APOBEC3F: variants seen among roughly 807,000 people sequenced by gnomAD.
APOBEC3F encodes the protein DNA dC->dU-editing enzyme APOBEC-3F.
Under a neutral mutation model 45.8 loss-of-function variants are expected in APOBEC3F, and 34 were observed. That is an observed-to-expected ratio of 0.74 (90% CI 0.57 to 0.99). APOBEC3F has a LOEUF of 0.99. APOBEC3F is among the 50% of genes least tolerant of loss of function. The pLI, the probability that APOBEC3F is intolerant of heterozygous loss-of-function variation, is 0.00. For synonymous variants in APOBEC3F, 192 were observed against 174.4 expected (o/e 1.10, Z -0.80); for missense variants, 459 against 474.1 (o/e 0.97, Z 0.30).
At chr22:39,048,990 A>G (rs1233509592) in intron 4 of APOBEC3F, among the ~76,000 whole-genome samples, 1 of 104,650 alleles carries the variant, frequency 9.6e-6, no homozygotes, top group African/African-American at 3.7e-5. Context: ...GTCCCAAACA[A>G]AAACAAAAAC....
At chr22:39,052,474 C>A in intron 6 of APOBEC3F, 103 bp from the exon 7 acceptor site, 1 of 1,569,984 alleles carries the variant, frequency 6.4e-7, no homozygotes, top group Admixed American at 1.8e-5. Flanking sequence ...GCGCCAGTGT[C>A]CACTGCAACT....
At position 39,055,261 on chromosome 22, in the gene APOBEC3F, G is replaced by C. The variant is rs1056622472; in HGVS notation, c.*2566G>C. ...CTAATTTTGTAGTTTTAGTAGAGAC[G>C]GGGTTTCTCCATGTTGCTCAGGCTG... On this transcript the variant is annotated 3_prime_UTR_variant, in exon 7 of 7. Transcript: ENST00000308521. 6.6e-6 allele frequency among the ~76,000 whole-genome samples: 1 copy of C among 151,520 alleles called. No homozygotes were observed. The highest frequency in any genetic ancestry group is 1.5e-5 in the Non-Finnish European group (1 of 67,924).
At chr22:39,044,182 C>A in intron 2 of APOBEC3F, 1 of 1,607,258 alleles carries the variant, frequency 6.2e-7, no homozygotes. Flanking sequence ...GTGGCCTCCC[C>A]AGCTGACCGC....
chr22:39,041,950 G>A (rs1219245203), intron 1 of APOBEC3F, among the ~76,000 whole-genome samples: 1 of 152,176 alleles, frequency 6.6e-6, no homozygotes, highest in Non-Finnish European at 1.5e-5. Flanking sequence ...TTAAAATTTA[G>A]TAAGAAGAGA....
rs955612340 is a variant in APOBEC3F, at chr22:39,055,356, G to T, written c.*2661G>T. Among the ~76,000 whole-genome samples the T allele has an allele frequency of 5.3e-5, 8 of 150,762 alleles. No individual in the cohort carries two copies. The highest frequency in any genetic ancestry group is 8.8e-5 in the Non-Finnish European group (6 of 67,872). On this transcript the variant is annotated 3_prime_UTR_variant, in exon 7 of 7. Coordinates refer to ENST00000308521, the MANE Select transcript of APOBEC3F (RefSeq NM_145298.6). ...CAAAGTGCTGGGATTACAGATATAA[G>T]CCACCATACACAACTTTTTTTTTTT...
intron 4 of APOBEC3F, among the ~76,000 whole-genome samples, chr22:39,046,072 CG>C (rs1326073532): frequency 6.6e-6 from 1 of 152,020 alleles, no homozygotes; most frequent in African/African-American, 2.4e-5. Flanking sequence ...GAGGGGTGGG[CG>C]GGGTTGTGTC....
chr22:39,052,641 A>G lies in APOBEC3F; in HGVS notation c.1068A>G (p.Gly356=), dbSNP rs375519041. 79 of 1,614,026 alleles carry G rather than the reference A, an allele frequency of 4.9e-5. No individual in the cohort carries two copies. The highest frequency in any genetic ancestry group is 4.7e-5 in the Non-Finnish European group (56 of 1,180,020). ...ATGAGCCATTCAAGCCTTGGAAAGGACTAAAATACAACTTTCTATTCCTGG... is the reference window on the plus strand; with the variant it reads ...ATGAGCCATTCAAGCCTTGGAAAGGGCTAAAATACAACTTTCTATTCCTGG... The part of the protein sequence containing the change: ...NDDEPFKPWK[G]LKYNFLFLDS... Residue 356 remains glycine, a synonymous_variant, in exon 7 of 7, where the codon GGA becomes GGG. Coordinates refer to ENST00000308521, the MANE Select transcript of APOBEC3F (RefSeq NM_145298.6).
Position 39,055,182 on chromosome 22 carries a change from C to G in APOBEC3F, c.*2487C>G. ...CTGCCTTCCGAGTTCAAGCGATTCT[C>G]GTGCCTCAGCCTCCTGAGTAGCTGG... On this transcript the variant is annotated 3_prime_UTR_variant, in exon 7 of 7. Coordinates refer to ENST00000308521, the MANE Select transcript of APOBEC3F (RefSeq NM_145298.6). Among the ~76,000 whole-genome samples, 1 of 151,706 alleles carries G rather than the reference C, an allele frequency of 6.6e-6. No homozygotes were observed. Among genetic ancestry groups the G allele is most frequent in the South Asian group, 2.1e-4 (1 of 4,810 alleles).
rs966462452 is a variant in APOBEC3F at position 39,052,881 on chromosome 22, G to A, written c.*186G>A. ...TCCGCTCTCCCAGGCTCTTCCTGCA[G>A]AGGCCTCTTTCTGCCTCCATGGCTA... On this transcript the variant is annotated 3_prime_UTR_variant, in exon 7 of 7. Transcript: ENST00000308521. 2.2e-6 allele frequency: 3 copies of A among 1,339,016 alleles called. No individual in the cohort carries two copies. Among genetic ancestry groups the A allele is most frequent in the African/African-American group, 3.0e-5 (2 of 67,728 alleles). The allele number at this position is 1,339,016 out of a possible 1,614,324, so 82.9% of individuals were successfully genotyped here.
At chr22:39,049,693 A>T in intron 5 of APOBEC3F, 112 bp downstream of exon 5, 8 of 1,202,198 alleles carry the variant, frequency 6.7e-6, no homozygotes, top group African/African-American at 1.7e-5. Flanking sequence ...CTTTCCTCTT[A>T]CATTTCTTTT....
intron 2 of APOBEC3F, chr22:39,044,342 G>A: frequency 7.1e-7 from 1 of 1,408,620 alleles, no homozygotes; most frequent in Non-Finnish European, 9.2e-7. Context: ...GGAAGCTCAT[G>A]TCTTGGTGCA....
At chr22:39,049,659 C>T in intron 5 of APOBEC3F, 78 bp downstream of exon 5, 1 of 1,523,618 alleles carries the variant, frequency 6.6e-7, no homozygotes, top group South Asian at 1.2e-5. Context: ...AGTGACGTGC[C>T]TGGCGTGGGC....
chr22:39,044,302 G>C (rs897275281), intron 2 of APOBEC3F: 16 of 1,487,660 alleles, frequency 1.1e-5, no homozygotes, highest in African/African-American at 8.6e-5. Context: ...ATGAGGCTCT[G>C]AACAGGGCTG....
chr22:39,052,095 C>G lies in APOBEC3F; in HGVS notation c.745C>G (p.His249Asp). Residue 249 changes from histidine (H) to aspartate (D), a missense_variant, in exon 6 of 7, where the codon CAT (histidine) becomes GAT (aspartate). His to Asp is a moderately conservative substitution (Grantham distance 81, BLOSUM62 -1). Transcript: ENST00000308521. Reference sequence around the variant, plus strand: ...CCAGGTGGATCCTGAGACCCATTGTCATGCAGAAAGGTGCTTCCTCTCTTG... The same window carrying G: ...CCAGGTGGATCCTGAGACCCATTGTGATGCAGAAAGGTGCTTCCTCTCTTG... Reference protein sequence around the residue: ...RNQVDPETHCHAERCFLSWFC... With the variant: ...RNQVDPETHCDAERCFLSWFC... 1 of 1,612,434 alleles carries G rather than the reference C, an allele frequency of 6.2e-7. No individual in the cohort carries two copies. The highest frequency in any genetic ancestry group is 2.2e-5 in the East Asian group (1 of 44,866).
intron 4 of APOBEC3F, among the ~76,000 whole-genome samples, chr22:39,046,178 G>A (rs1030109673): frequency 3.3e-5 from 5 of 152,070 alleles, no homozygotes; most frequent in African/African-American, 7.2e-5. Context: ...GGGTCTCTCT[G>A]CCTCTAAATG....
intron 5 of APOBEC3F, 79 bp from the exon 6 acceptor site, chr22:39,051,995 T>G: frequency 6.4e-7 from 1 of 1,573,172 alleles, no homozygotes; most frequent in Non-Finnish European, 8.7e-7. Context: ...AGGCCCGCCC[T>G]CTGCTCCCAT....
At position 39,052,135 on chromosome 22, in the gene APOBEC3F, T is replaced by C. The variant is rs1389757567; in HGVS notation, c.785T>C (p.Ile262Thr). ...TTCCTCTCTTGGTTCTGTGACGACA[T>C]ACTGTCTCCTAACACAAACTACGAG... is the stretch of plus-strand genomic sequence containing the variant. ...RCFLSWFCDD[I>T]LSPNTNYEVT... The change falls in exon 6 of 7, where the codon ATA (isoleucine) becomes ACA (threonine). Residue 262 changes from isoleucine (I) to threonine (T), a missense_variant. Physicochemically the swap from Ile to Thr is moderately conservative, Grantham distance 89. Coordinates refer to ENST00000308521, the MANE Select transcript of APOBEC3F (RefSeq NM_145298.6). The C allele has an allele frequency of 1.4e-5, 23 of 1,613,610 alleles. No individual in the cohort carries two copies. The highest frequency in any genetic ancestry group is 1.9e-5 in the Non-Finnish European group (23 of 1,179,648).
rs191418480 is a variant in APOBEC3F, at chr22:39,055,398, A to C, written c.*2703A>C. Among the ~76,000 whole-genome samples, 7 of 111,538 alleles carry C rather than the reference A, an allele frequency of 6.3e-5. No homozygotes were observed. The highest frequency in any genetic ancestry group is 2.8e-4 in the East Asian group (1 of 3,626). The allele number at this position is 111,538 out of a possible 152,430, so 73.2% of individuals were successfully genotyped here. On this transcript the variant is annotated 3_prime_UTR_variant, in exon 7 of 7. Coordinates refer to ENST00000308521, the MANE Select transcript of APOBEC3F (RefSeq NM_145298.6). ...TTTTTTTTTTTTGAGATGGAGTTTCACTCTGTTGCCCAGGCTGGAGTGCTA... is the reference window on the plus strand; with the variant it reads ...TTTTTTTTTTTTGAGATGGAGTTTCCCTCTGTTGCCCAGGCTGGAGTGCTA...
intron 2 of APOBEC3F, among the ~76,000 whole-genome samples, 181 bp downstream of exon 2, chr22:39,043,271 G>C (rs551051005): frequency 6.6e-6 from 1 of 151,746 alleles, no homozygotes; most frequent in African/African-American, 2.4e-5. Flanking sequence ...TCGTGGAGGG[G>C]GTTTGCCTTT....
Sources: allele counts gnomAD v4.1 joint callset (sites outside exome capture counted in the v4.1 genomes callset), GRCh38; gene constraint gnomAD v4.1.1; transcripts MANE v1.5; gene names NCBI Gene and HGNC (gene_info 2026-07-23, HGNC 2026-07-21).